Variants in HIVEP1 observed in about 807,000 individuals in gnomAD.
HIVEP1 encodes zinc finger protein 40.
A neutral mutation model predicts 180.0 loss-of-function variants in HIVEP1; 36 were observed. That is an observed-to-expected ratio of 0.20 (90% CI 0.15 to 0.26). The LOEUF is 0.26. Among genes scored for constraint, HIVEP1 ranks in the 10% least tolerant of loss-of-function variants. The probability of loss-of-function intolerance (pLI) is 1.00; values close to 1 mark genes in which losing one functional copy is unlikely to be tolerated. For missense variants in HIVEP1, 3,143 were observed against 3,268.7 expected (o/e 0.96, Z 0.94); for synonymous variants, 1,239 against 1,239.0 (o/e 1.00, Z 0.00).
At position 12,163,814 on chromosome 6, in the gene HIVEP1, A is replaced by G. The variant is rs1760568547; in HGVS notation, c.7510A>G (p.Thr2504Ala). ...ETVNIVGLAN[T>A]NMAPQVHPPG... ...CGTCAATATTGTAGGCCTAGCCAAT[A>G]CAAATATGGCCCCACAAGTCCATCC... Residue 2504 changes from threonine (T) to alanine (A), a missense_variant, in exon 9 of 9, where the codon ACA becomes GCA. By Grantham distance (58) the Thr-to-Ala change is moderately conservative. Coordinates refer to ENST00000379388, the MANE Select transcript of HIVEP1 (RefSeq NM_002114.4). 4 of 1,614,046 alleles carry G rather than the reference A, an allele frequency of 2.5e-6. No homozygotes were observed. Among genetic ancestry groups the G allele is most frequent in the East Asian group, 2.2e-5 (1 of 44,894 alleles).
At chr6:12,016,111 G>C (rs2113568134) in intron 2 of HIVEP1, among the ~76,000 whole-genome samples, 1 of 152,282 alleles carries the variant, frequency 6.6e-6, no homozygotes, top group Middle Eastern at 3.4e-3. Flanking sequence ...GAAGTGAAGA[G>C]AATTGTAGGC....
At chr6:12,071,729 A>G (rs565889930) in intron 2 of HIVEP1, among the ~76,000 whole-genome samples, 1 of 152,304 alleles carries the variant, frequency 6.6e-6, no homozygotes, top group East Asian at 1.9e-4. Flanking sequence ...ATTTCAGCCT[A>G]GTGTTTTAAG....
intron 3 of HIVEP1, among the ~76,000 whole-genome samples, chr6:12,103,133 T>C (rs1436238804): frequency 6.6e-6 from 1 of 151,808 alleles, no homozygotes; most frequent in East Asian, 1.9e-4. Flanking sequence ...AATAGTGGTG[T>C]AGCCATTTTG....
At chr6:12,205,166 C>A in the HIVEP1 span, among the ~76,000 whole-genome samples, 1 of 152,082 alleles carries the variant, frequency 6.6e-6, no homozygotes, top group Non-Finnish European at 1.5e-5. Flanking sequence ...AAATGGGAAG[C>A]CAGTAAAAAA....
chr6:12,144,132 A>G (rs1296842607), intron 7 of HIVEP1, among the ~76,000 whole-genome samples: 3 of 152,238 alleles, frequency 2.0e-5, no homozygotes, highest in African/African-American at 4.8e-5. Flanking sequence ...TTCAAACTAT[A>G]CGACAAGGCT....
intron 2 of HIVEP1, among the ~76,000 whole-genome samples, chr6:12,032,353 A>G (rs905256944): frequency 5.7e-4 from 86 of 152,146 alleles, no homozygotes; most frequent in South Asian, 1.0e-3. Context: ...TGTGTTAGCC[A>G]GGATGGTCTC....
At chr6:12,090,516 TCTC>T (rs1031829518) in intron 3 of HIVEP1, among the ~76,000 whole-genome samples, 1 of 151,972 alleles carries the variant, frequency 6.6e-6, no homozygotes, top group African/African-American at 2.4e-5. Flanking sequence ...ATGTCTGCCT[TCTC>T]CTCACCCCAC....
In HIVEP1 at chr6:12,124,993, G is replaced by A. The variant is rs767620268; in HGVS notation, c.5198G>A (p.Arg1733Gln). 1.5e-5 allele frequency: 25 copies of A among 1,613,924 alleles called. No homozygotes were observed. Among genetic ancestry groups the A allele is most frequent in the African/African-American group, 1.2e-4 (9 of 74,880 alleles). ...LPITQKISVG[R>Q]LSPQQESSAS... ...ATAACTCAGAAAATATCTGTTGGTCGACTTTCCCCTCAACAAGAATCTTCA... is the reference window on the plus strand; with the variant it reads ...ATAACTCAGAAAATATCTGTTGGTCAACTTTCCCCTCAACAAGAATCTTCA... The change falls in exon 4 of 9, where the codon CGA (arginine) becomes CAA (glutamine). Residue 1733 changes from arginine (R) to glutamine (Q), a missense_variant. Coordinates refer to ENST00000379388, the MANE Select transcript of HIVEP1 (RefSeq NM_002114.4).
At chr6:12,162,817 A>C (rs1760490931) in intron 8 of HIVEP1, among the ~76,000 whole-genome samples, 1 of 152,236 alleles carries the variant, frequency 6.6e-6, no homozygotes, top group Non-Finnish European at 1.5e-5. Flanking sequence ...ACATCTCTTC[A>C]CAAATAATTC....
At chr6:12,146,269 C>G (rs1759368569) in intron 7 of HIVEP1, among the ~76,000 whole-genome samples, 1 of 152,106 alleles carries the variant, frequency 6.6e-6, no homozygotes, top group Non-Finnish European at 1.5e-5. Flanking sequence ...ATGGAGAAAT[C>G]CTGTCTCAAC....
At chr6:12,115,966 A>G (rs1160572380) in intron 3 of HIVEP1, among the ~76,000 whole-genome samples, 1 of 151,652 alleles carries the variant, frequency 6.6e-6, no homozygotes, top group Non-Finnish European at 1.5e-5. Context: ...AATGTATTTT[A>G]TATTTAATTC....
rs769686201 is a variant in HIVEP1 at position 12,123,430 on chromosome 6, A to G, written c.3635A>G (p.Lys1212Arg). The G allele has an allele frequency of 6.8e-6, 11 of 1,614,084 alleles. No individual in the cohort carries two copies. Among genetic ancestry groups the G allele is most frequent in the African/African-American group, 1.3e-5 (1 of 74,930 alleles). Reference protein sequence around the residue: ...LRGELQESSRKSPSERHVLGQ... With the variant: ...LRGELQESSRRSPSERHVLGQ... Reference sequence around the variant, plus strand: ...GGAGAACTTCAGGAAAGCTCCAGAAAGAGTCCAAGTGAACGACATGTGTTA... The same window carrying G: ...GGAGAACTTCAGGAAAGCTCCAGAAGGAGTCCAAGTGAACGACATGTGTTA... The change falls in exon 4 of 9, where the codon AAG (lysine) becomes AGG (arginine). Residue 1212 changes from lysine (K) to arginine (R), a missense_variant. By Grantham distance (26) the Lys-to-Arg change is conservative. Coordinates refer to ENST00000379388, the MANE Select transcript of HIVEP1 (RefSeq NM_002114.4).
intron 2 of HIVEP1, among the ~76,000 whole-genome samples, chr6:12,085,758 A>G (rs998321576): frequency 6.6e-6 from 1 of 152,170 alleles, no homozygotes. Flanking sequence ...ACTTTAGCAT[A>G]GACTGAAGAA....
At chr6:12,177,022 A>G in the HIVEP1 span, among the ~76,000 whole-genome samples, 1 of 152,230 alleles carries the variant, frequency 6.6e-6, no homozygotes, top group Non-Finnish European at 1.5e-5. Flanking sequence ...GGGAACATGG[A>G]TGGAGCTGGA....
intron 1 of HIVEP1, 36 bp downstream of exon 1, chr6:12,012,602 T>G (rs1581480040): frequency 5.0e-5 from 2 of 40,392 alleles, no homozygotes. Flanking sequence ...GCGCTGCAGC[T>G]GGGGAGGGCG....
At chr6:12,157,541 T>A (rs924399253) in intron 7 of HIVEP1, among the ~76,000 whole-genome samples, 2 of 152,244 alleles carry the variant, frequency 1.3e-5, no homozygotes, top group Admixed American at 1.3e-4. Context: ...TAGACTTTAC[T>A]GCAGTTTATA....
chr6:12,152,870 T>G (rs1581793054), intron 7 of HIVEP1, among the ~76,000 whole-genome samples: 1 of 152,198 alleles, frequency 6.6e-6, no homozygotes, highest in East Asian at 1.9e-4. Flanking sequence ...TGACCTGAAA[T>G]TTAATATAAT....
chr6:12,085,952 T>G (rs568177809), intron 2 of HIVEP1, among the ~76,000 whole-genome samples: 22 of 152,290 alleles, frequency 1.4e-4, no homozygotes, highest in African/African-American at 5.3e-4. Flanking sequence ...ATAAAGAGAC[T>G]TCTTTTATGA....
chr6:12,088,580 C>G (rs1773255362), intron 2 of HIVEP1, among the ~76,000 whole-genome samples: 1 of 152,134 alleles, frequency 6.6e-6, no homozygotes, highest in Admixed American at 6.6e-5. Context: ...TGGGTTACAT[C>G]TGTCTGACAA....
Sources: allele counts gnomAD v4.1 joint callset (sites outside exome capture counted in the v4.1 genomes callset), GRCh38; gene constraint gnomAD v4.1.1; transcripts MANE v1.5; gene names NCBI Gene and HGNC (gene_info 2026-07-23, HGNC 2026-07-21).